The following GALNT17 variants were observed in gnomAD, a reference collection of about 807,000 sequenced individuals.
GALNT17 encodes UDP-GalNAc:polypeptide N-acetylgalactosaminyltransferase-like 3.
Under a neutral mutation model 63.7 loss-of-function variants are expected in GALNT17, and 29 were observed. That is an observed-to-expected ratio of 0.46 (90% CI 0.34 to 0.62). GALNT17 has a LOEUF of 0.62. Among genes scored for constraint, GALNT17 ranks in the 20% least tolerant of loss-of-function variants. The pLI, the probability that GALNT17 is intolerant of heterozygous loss-of-function variation, is 0.01. For missense variants in GALNT17, 603 were observed against 799.6 expected (o/e 0.75, Z 2.97); for synonymous variants, 305 against 318.3 (o/e 0.96, Z 0.45).
chr7:71,538,744 C>G (rs1410194239), intron 5 of GALNT17, among the ~76,000 whole-genome samples: 2 of 151,964 alleles, frequency 1.3e-5, no homozygotes, highest in African/African-American at 2.4e-5. Context: ...GAGCTGAGCC[C>G]TTGGAACTCT....
rs773049503 is a variant in GALNT17, at chr7:71,388,217, C to G, written c.423-18C>G. The G allele has an allele frequency of 3.7e-5, 59 of 1,609,468 alleles. No homozygotes were observed. Among genetic ancestry groups the G allele is most frequent in the Non-Finnish European group, 4.5e-5 (53 of 1,176,756 alleles). ...TATCCTTCCTCTGACTCTGCATTTCCGATCTCTCCTTCCCCAGGTGTAAGG... is the reference window on the plus strand; with the variant it reads ...TATCCTTCCTCTGACTCTGCATTTCGGATCTCTCCTTCCCCAGGTGTAAGG... On this transcript the variant is annotated intron_variant, in intron 2 of 10. Coordinates refer to ENST00000333538, the MANE Select transcript of GALNT17 (RefSeq NM_022479.3).
At chr7:71,163,312 T>A (rs1362537476) in intron 1 of GALNT17, among the ~76,000 whole-genome samples, 1 of 152,092 alleles carries the variant, frequency 6.6e-6, no homozygotes, top group Non-Finnish European at 1.5e-5. Context: ...GTCCAGAGAG[T>A]TGGATGTACT....
At chr7:71,676,708 T>C (rs918782223) in intron 8 of GALNT17, among the ~76,000 whole-genome samples, 1 of 152,182 alleles carries the variant, frequency 6.6e-6, no homozygotes, top group Non-Finnish European at 1.5e-5. Context: ...TTCATGCCTT[T>C]ATGCAAATAA....
intron 9 of GALNT17, among the ~76,000 whole-genome samples, chr7:71,680,499 TCTCC>T (rs1265641022): frequency 9.2e-5 from 4 of 43,570 alleles, no homozygotes; most frequent in Admixed American, 3.1e-4. Context: ...TCCCTCCCTC[TCTCC>T]CTTCCTCCCT....
chr7:71,174,462 G>A lies in GALNT17; in HGVS notation c.238+41422G>A, dbSNP rs540470227. ...AGGCTGGTGTGTGTCTCACGTGTCC[G>A]TGTGAAGAGACCACTAAACAGGCTT... is the stretch of plus-strand genomic sequence containing the variant. On this transcript the variant is annotated intron_variant, in intron 1 of 10. Coordinates refer to ENST00000333538, the MANE Select transcript of GALNT17 (RefSeq NM_022479.3). 1.8e-3 allele frequency among the ~76,000 whole-genome samples: 270 copies of A among 152,308 alleles called. 2 individuals carry two copies. The highest frequency in any genetic ancestry group is 9.8e-4 in the Admixed American group (15 of 15,304).
At chr7:71,594,744 A>G (rs1208612349) in intron 6 of GALNT17, among the ~76,000 whole-genome samples, 1 of 152,218 alleles carries the variant, frequency 6.6e-6, no homozygotes, top group Non-Finnish European at 1.5e-5. Context: ...TTCCAGTTCT[A>G]GCTATGTAGC....
rs370616350 is a variant in GALNT17 at position 71,561,149 on chromosome 7, A to C, written c.963-10136A>C. ...TGACTCAGCCTCCCGAGTAGCTGGG[A>C]CCACAGGCACGCACCACCATGCCTG... On this transcript the variant is annotated intron_variant, in intron 5 of 10. Transcript: ENST00000333538. Among the ~76,000 whole-genome samples the C allele has an allele frequency of 3.8e-4, 58 of 152,210 alleles. No individual in the cohort carries two copies. In the South Asian group the frequency reaches 8.5e-3, roughly 22 times the overall value.
rs374946561 is a variant in GALNT17 at position 71,655,077 on chromosome 7, G to A, written c.1081-10334G>A. The stretch of plus-strand genomic sequence containing the variant: ...AGTGCTGCTAGAATTACAGGCGTGA[G>A]ACACCATGCTCAGCCTACAAAATAT... On this transcript the variant is annotated intron_variant, in intron 6 of 10. Coordinates refer to ENST00000333538, the MANE Select transcript of GALNT17 (RefSeq NM_022479.3). 4.6e-5 allele frequency among the ~76,000 whole-genome samples: 7 copies of A among 152,078 alleles called. No homozygotes were observed. The East Asian group carries it at 5.8e-4, about 13-fold the overall frequency.
rs1277413978 is a variant in GALNT17, at chr7:71,416,054, C to T, written c.755C>T (p.Thr252Ile). The part of the protein sequence containing the change: ...TGFFDAHVEF[T>I]AGWAEPVLSR... ...TTCTTTGATGCCCACGTGGAATTCA[C>T]CGCTGGCTGGTAGGTCATGAGCTGA... is the stretch of plus-strand genomic sequence containing the variant. Residue 252 changes from threonine to isoleucine, a missense_variant, in exon 4 of 11, where the codon ACC (threonine) becomes ATC (isoleucine). Coordinates refer to ENST00000333538, the MANE Select transcript of GALNT17 (RefSeq NM_022479.3). The T allele has an allele frequency of 1.2e-6, 2 of 1,610,752 alleles. No homozygotes were observed. The highest frequency in any genetic ancestry group is 1.8e-4 in the Middle Eastern group (1 of 5,692).
intron 1 of GALNT17, among the ~76,000 whole-genome samples, chr7:71,238,698 C>T (rs1384745861): frequency 6.6e-6 from 1 of 152,172 alleles, no homozygotes; most frequent in Non-Finnish European, 1.5e-5. Flanking sequence ...ATTCATACCA[C>T]AAGGAGGTTG....
chr7:71,512,543 C>G (rs1788377866), intron 5 of GALNT17, among the ~76,000 whole-genome samples: 1 of 152,180 alleles, frequency 6.6e-6, no homozygotes, highest in Non-Finnish European at 1.5e-5. Flanking sequence ...GGGCCATGAG[C>G]AGAAATGTTC....
Position 71,712,022 on chromosome 7 carries a change from G to A in GALNT17, c.1673G>A (p.Gly558Glu). The A allele has an allele frequency of 1.2e-6, 2 of 1,613,662 alleles. No homozygotes were observed. The highest frequency in any genetic ancestry group is 1.1e-5 in the South Asian group (1 of 91,056). ...LYKRWNFIQN[G>E]AIMNKGTGRC... ...CTCGATTTTGCCCCCTCCCAGAATG[G>A]AGCCATCATGAACAAGGGCACGGGA... The change falls in exon 11 of 11, where the codon GGA becomes GAA. Residue 558 changes from glycine (G) to glutamate (E), a missense_variant. Gly to Glu is a moderately conservative substitution (Grantham distance 98). Around this residue, in one of 3 missense-constraint regions of GALNT17, gnomAD observed 72 missense variants for 76.9 expected, o/e 0.94. Transcript: ENST00000333538.
At chr7:71,206,475 T>C (rs1789274196) in intron 1 of GALNT17, among the ~76,000 whole-genome samples, 1 of 152,162 alleles carries the variant, frequency 6.6e-6, no homozygotes, top group Admixed American at 6.6e-5. Flanking sequence ...CATCATTTTG[T>C]AAATAAGTCA....
intron 5 of GALNT17, among the ~76,000 whole-genome samples, chr7:71,467,418 T>A (rs1022059277): frequency 7.9e-5 from 12 of 152,208 alleles, no homozygotes; most frequent in African/African-American, 2.9e-4. Context: ...ATCAGTTGTC[T>A]GTACTACCGA....
At chr7:71,301,199 AT>A (rs1791189596) in intron 1 of GALNT17, among the ~76,000 whole-genome samples, 1 of 151,742 alleles carries the variant, frequency 6.6e-6, no homozygotes, top group Non-Finnish European at 1.5e-5. Context: ...AGGTGGGAGG[AT>A]CCCTTCAGCC....
At chr7:71,368,012 T>C (rs959631940) in intron 2 of GALNT17, among the ~76,000 whole-genome samples, 13 of 152,242 alleles carry the variant, frequency 8.5e-5, no homozygotes, top group Admixed American at 2.6e-4. Context: ...GGAAGATGTC[T>C]CCACACATTC....
chr7:71,241,614 G>T lies in GALNT17; in HGVS notation c.239-93936G>T, dbSNP rs371768569. 8.5e-5 allele frequency among the ~76,000 whole-genome samples: 13 copies of T among 152,286 alleles called. No homozygotes were observed. The East Asian group carries it at 1.7e-3, about 20-fold the overall frequency. On this transcript the variant is annotated intron_variant, in intron 1 of 10. Coordinates refer to ENST00000333538, the MANE Select transcript of GALNT17 (RefSeq NM_022479.3). ...CATAAAGGAATACCTGAGGCTGGGTGCAGTGTCTCATGCCTGTAATCCCAG... is the reference window on the plus strand; with the variant it reads ...CATAAAGGAATACCTGAGGCTGGGTTCAGTGTCTCATGCCTGTAATCCCAG...
rs561426383 is a variant in GALNT17, at chr7:71,360,778, A to C, written c.422+25045A>C. On this transcript the variant is annotated intron_variant, in intron 2 of 10. Transcript: ENST00000333538. The stretch of plus-strand genomic sequence containing the variant: ...CAAAACCCCGTCTCTACTAAAAAAA[A>C]CCCACAAAAATTAGCTGGGTATGGT... Among the ~76,000 whole-genome samples, 21 of 152,194 alleles carry C rather than the reference A, an allele frequency of 1.4e-4. No homozygotes were observed. In the South Asian group the frequency reaches 2.7e-3, roughly 20 times the overall value.
intron 5 of GALNT17, among the ~76,000 whole-genome samples, chr7:71,482,992 G>A (rs1039943808): frequency 9.9e-5 from 15 of 152,176 alleles, no homozygotes; most frequent in African/African-American, 3.6e-4. Flanking sequence ...TACAGATGAA[G>A]CTTTGCTCGC....
Sources: gnomAD v4.1 joint callset for allele counts (sites outside exome capture counted in the v4.1 genomes callset) on GRCh38, gnomAD v4.1.1 for gene constraint, gnomAD v4.1.1 regional missense constraint, MANE v1.5 for transcripts, NCBI Gene and HGNC (gene_info 2026-07-23, HGNC 2026-07-21) for gene names.